Variants in RGS12 observed in about 807,000 individuals in gnomAD.
The protein encoded by RGS12 is regulator of G protein signaling 12.
In RGS12, 66 loss-of-function variants were observed where a neutral mutation model predicts 120.1. The observed-to-expected ratio is 0.55, with a 90% confidence interval of 0.45 to 0.67. RGS12 has a LOEUF of 0.67. Among genes scored for constraint, RGS12 ranks in the 30% least tolerant of loss-of-function variants. The pLI, the probability that RGS12 is intolerant of heterozygous loss-of-function variation, is 0.00. For missense variants in RGS12, 1,859 were observed against 1,957.7 expected, an observed-to-expected ratio of 0.95 and a Z score of 0.95; for synonymous variants, 827 against 804.7, an observed-to-expected ratio of 1.03 and a Z score of -0.47.
chr4:3,436,509 C>T (rs543226676), intron 17 of RGS12, among the ~76,000 whole-genome samples: 2 of 152,256 alleles, frequency 1.3e-5, no homozygotes, highest in African/African-American at 2.4e-5. Context: ...GCAGGAAGGG[C>T]GGGCAGTGGG....
intron 14 of RGS12, among the ~76,000 whole-genome samples, chr4:3,427,214 G>A (rs1446166404): frequency 6.6e-6 from 1 of 152,242 alleles, no homozygotes; most frequent in Non-Finnish European, 1.5e-5. Context: ...GCGGCCAGCA[G>A]CTTTGCCCCG....
intron 3 of RGS12, among the ~76,000 whole-genome samples, chr4:3,368,418 G>C (rs1333614597): frequency 1.4e-5 from 2 of 140,878 alleles, no homozygotes; most frequent in African/African-American, 5.2e-5. Context: ...GTGTGTGTGA[G>C]TGCCTGTGTG....
Position 3,430,911 on chromosome 4 carries a change from C to T in RGS12, c.4070C>T (p.Pro1357Leu), listed in dbSNP as rs200575024. ...AGCAGCCCCAACAGCACCTTGCTGCCGCCGCCCTCCACCCCCCAGGAAGTG... is the reference window on the plus strand; with the variant it reads ...AGCAGCCCCAACAGCACCTTGCTGCTGCCGCCCTCCACCCCCCAGGAAGTG... ...DISSPNSTLL[P>L]PPSTPQEVPG... The change falls in exon 17 of 18, where the codon CCG becomes CTG. Residue 1357 changes from proline (P) to leucine (L), a missense_variant. Pro to Leu is a moderately conservative substitution (Grantham distance 98, BLOSUM62 -3). Transcript: ENST00000336727. The T allele has an allele frequency of 1.1e-5, 18 of 1,612,808 alleles. No homozygotes were observed. Among genetic ancestry groups the T allele is most frequent in the Non-Finnish European group, 1.3e-5 (15 of 1,179,950 alleles).
intron 3 of RGS12, 63 bp downstream of exon 3, chr4:3,343,116 G>T: frequency 8.2e-7 from 1 of 1,219,430 alleles, no homozygotes; most frequent in Non-Finnish European, 1.2e-6. Flanking sequence ...AGTCCACCTT[G>T]CAGATACGTC....
chr4:3,379,967 C>T (rs1425533400), intron 3 of RGS12, among the ~76,000 whole-genome samples: 1 of 152,234 alleles, frequency 6.6e-6, no homozygotes, highest in East Asian at 1.9e-4. Context: ...AAAGTCTTAA[C>T]TCATTCTAGC....
chr4:3,416,274 G>A (rs545734878), intron 7 of RGS12, among the ~76,000 whole-genome samples, 153 bp downstream of exon 7: 2 of 151,854 alleles, frequency 1.3e-5, no homozygotes, highest in Non-Finnish European at 2.9e-5. Flanking sequence ...GGGGCTTTCA[G>A]TAGGGTAGAG....
At chr4:3,358,963 C>G (rs1176857450) in intron 3 of RGS12, among the ~76,000 whole-genome samples, 4 of 70,326 alleles carry the variant, frequency 5.7e-5, no homozygotes, top group African/African-American at 2.5e-4. Flanking sequence ...CTTCTTCCTC[C>G]TCCTCCCCTC....
chr4:3,323,565 T>G (rs1162497247), intron 2 of RGS12, among the ~76,000 whole-genome samples: 2 of 152,262 alleles, frequency 1.3e-5, no homozygotes, highest in Non-Finnish European at 2.9e-5. Flanking sequence ...ATATATCAAT[T>G]TTAAAAACTC....
At chr4:3,361,856 A>G (rs1715597689) in intron 3 of RGS12, among the ~76,000 whole-genome samples, 1 of 152,206 alleles carries the variant, frequency 6.6e-6, no homozygotes, top group Non-Finnish European at 1.5e-5. Flanking sequence ...TCTTCGAGCT[A>G]CACCAAGGGC....
At position 3,389,754 on chromosome 4, in the gene RGS12, G is replaced by A. The variant is rs543101932; in HGVS notation, c.2020+3317G>A. Among the ~76,000 whole-genome samples, 67 of 152,338 alleles carry A rather than the reference G, an allele frequency of 4.4e-4. No individual in the cohort carries two copies. The highest frequency in any genetic ancestry group is 1.5e-3 in the African/African-American group (63 of 41,574). On this transcript the variant is annotated intron_variant, in intron 4 of 17. Coordinates refer to ENST00000336727, the MANE Select transcript of RGS12 (RefSeq NM_001394154.1). This position sits in a 1 kb window ranked among gnomAD's most constrained non-coding sequence, Gnocchi z 5.2. ...GTACGGCGTCTGTGCCAGCAGGAAA[G>A]CCGGGGAACTGTGCGGCTCTGGCTT... is the stretch of plus-strand genomic sequence containing the variant.
intron 3 of RGS12, among the ~76,000 whole-genome samples, chr4:3,343,340 C>A (rs1324724681): frequency 6.6e-6 from 1 of 152,310 alleles, no homozygotes; most frequent in East Asian, 1.9e-4. Flanking sequence ...AAATACTCTA[C>A]GAGGTAGGGC....
At chr4:3,398,799 C>G (rs1223000241) in intron 4 of RGS12, among the ~76,000 whole-genome samples, 1 of 151,410 alleles carries the variant, frequency 6.6e-6, no homozygotes, top group Non-Finnish European at 1.5e-5. Flanking sequence ...TTAAATCTAA[C>G]AGACACATAG....
At chr4:3,337,512 A>G (rs551398491) in intron 2 of RGS12, among the ~76,000 whole-genome samples, 1 of 152,342 alleles carries the variant, frequency 6.6e-6, no homozygotes, top group South Asian at 2.1e-4. Flanking sequence ...TGGTCCATCC[A>G]TACCGCGGAA....
intron 4 of RGS12, among the ~76,000 whole-genome samples, chr4:3,411,052 G>A (rs1164133239): frequency 6.6e-6 from 1 of 152,078 alleles, no homozygotes; most frequent in Admixed American, 6.5e-5. Flanking sequence ...TCTTCCTTCC[G>A]GAGGCTTTCC....
At chr4:3,329,183 G>A (rs921733763) in intron 2 of RGS12, among the ~76,000 whole-genome samples, 8 of 152,308 alleles carry the variant, frequency 5.3e-5, no homozygotes, top group Middle Eastern at 3.4e-3. Flanking sequence ...GAGAGCACCA[G>A]GGGGTCAGGT....
intron 14 of RGS12, 106 bp from the exon 15 acceptor site, chr4:3,427,984 T>A (rs1723839037): frequency 1.9e-6 from 2 of 1,078,324 alleles, no homozygotes; most frequent in Admixed American, 1.7e-5. Flanking sequence ...AGATGCCTTG[T>A]GGCTTCTCTA....
chr4:3,363,498 C>A (rs1311050970), intron 3 of RGS12, among the ~76,000 whole-genome samples: 3 of 151,414 alleles, frequency 2.0e-5, no homozygotes, highest in Admixed American at 6.6e-5. Flanking sequence ...TGAACTGCTG[C>A]TTGTTGGCGG....
intron 4 of RGS12, among the ~76,000 whole-genome samples, chr4:3,404,416 C>T (rs770493305): frequency 3.8e-4 from 58 of 152,212 alleles, no homozygotes; most frequent in Non-Finnish European, 7.6e-4. Flanking sequence ...CAAGTGCAGG[C>T]TTTAAACAGT....
intron 4 of RGS12, among the ~76,000 whole-genome samples, chr4:3,408,767 G>A (rs1288749631): frequency 1.3e-5 from 2 of 152,250 alleles, no homozygotes; most frequent in African/African-American, 2.4e-5. Flanking sequence ...TTCTCTTTCC[G>A]GCTCCTCCAG....
Sources: gnomAD v4.1 joint callset for allele counts (sites outside exome capture counted in the v4.1 genomes callset) on GRCh38, gnomAD v4.1.1 for gene constraint, Gnocchi (gnomAD v3.1) non-coding constraint, MANE v1.5 for transcripts, NCBI Gene and HGNC (gene_info 2026-07-23, HGNC 2026-07-21) for gene names.